CASP5: variants seen among roughly 807,000 people sequenced by gnomAD.
The protein encoded by CASP5 is caspase-5.
A neutral mutation model predicts 45.2 loss-of-function variants in CASP5; 42 were observed. The ratio of observed to expected loss-of-function variants is 0.93; its 90% CI spans 0.73 to 1.20. The LOEUF is 1.20. Among genes scored for constraint, CASP5 ranks in the 50% most tolerant of loss-of-function variants. The pLI, the probability that CASP5 is intolerant of heterozygous loss-of-function variation, is 0.00. For synonymous variants in CASP5, 209 were observed against 186.2 expected, an observed-to-expected ratio of 1.12 and a Z score of -1.00; for missense variants, 512 against 532.2, an observed-to-expected ratio of 0.96 and a Z score of 0.37.
chr11:105,017,824 C>T (rs1208789777), intron 1 of CASP5, among the ~76,000 whole-genome samples: 7 of 151,552 alleles, frequency 4.6e-5, no homozygotes, highest in East Asian at 1.9e-4. Context: ...AGATACTCCT[C>T]GAGAAGAGCA....
chr11:105,012,032 A>G (rs899500192), intron 1 of CASP5, among the ~76,000 whole-genome samples: 3 of 151,864 alleles, frequency 2.0e-5, no homozygotes, highest in Non-Finnish European at 4.4e-5. Context: ...ACCTGACTTT[A>G]AAACATACTG....
At chr11:105,016,350 G>C (rs1017821244) in intron 1 of CASP5, among the ~76,000 whole-genome samples, 1 of 152,172 alleles carries the variant, frequency 6.6e-6, no homozygotes, top group Non-Finnish European at 1.5e-5. Flanking sequence ...AGCTCCCAGC[G>C]TGAGCGAGCA....
In CASP5 at chr11:104,999,031, G is replaced by C; in HGVS notation, c.953-3C>G. The stretch of plus-strand genomic sequence containing the variant: ...GACCCAGAGTTCCCCATGTTTTTCT[G>C]TAGAGACATCAACTTTCTTTTTTTT... On this transcript the variant is annotated splice_region_variant and splice_polypyrimidine_tract_variant and intron_variant, in intron 6 of 9. Transcript: ENST00000260315. 6.3e-7 allele frequency: 1 copy of C among 1,582,786 alleles called. No individual in the cohort carries two copies.
chr11:104,995,947 G>C (rs1861451400), intron 8 of CASP5, 105 bp from the exon 9 acceptor site: 2 of 698,952 alleles, frequency 2.9e-6, no homozygotes, highest in Non-Finnish European at 5.0e-6. Context: ...TTCCAGGGTT[G>C]ATAGGACCAA....
chr11:105,019,619 C>T (rs180800087), intron 1 of CASP5, among the ~76,000 whole-genome samples: 2 of 147,896 alleles, frequency 1.4e-5, no homozygotes, highest in East Asian at 3.9e-4. Flanking sequence ...GAAGTTGAAT[C>T]TCTGAATGGA....
chr11:104,994,706 T>A (rs1861377952), intron 9 of CASP5, among the ~76,000 whole-genome samples: 1 of 152,240 alleles, frequency 6.6e-6, no homozygotes, highest in Non-Finnish European at 1.5e-5. Context: ...GGTCACACTA[T>A]CTCATTGTAG....
At chr11:104,996,144 T>A (rs961716989) in intron 8 of CASP5, among the ~76,000 whole-genome samples, 1 of 152,210 alleles carries the variant, frequency 6.6e-6, no homozygotes, top group Admixed American at 6.5e-5. Context: ...CTTTGGGATA[T>A]GCTCATGAGA....
chr11:105,014,258 T>C (rs1187405895), intron 1 of CASP5, among the ~76,000 whole-genome samples: 1 of 151,876 alleles, frequency 6.6e-6, no homozygotes, highest in Non-Finnish European at 1.5e-5. Context: ...TATTCTCCTA[T>C]ACTTTCTGTT....
chr11:105,017,511 A>C (rs1027078287), intron 1 of CASP5, among the ~76,000 whole-genome samples: 17 of 152,188 alleles, frequency 1.1e-4, no homozygotes, highest in Non-Finnish European at 1.6e-4. Context: ...TGAAGAATGC[A>C]GAAGCCTCAG....
intron 8 of CASP5, among the ~76,000 whole-genome samples, chr11:104,996,131 A>C (rs1861461442): frequency 1.3e-5 from 2 of 152,220 alleles, no homozygotes; most frequent in African/African-American, 4.8e-5. Context: ...TCAATTAAAT[A>C]TCCTTTGGGA....
chr11:105,010,702 T>G (rs971319749), intron 1 of CASP5, among the ~76,000 whole-genome samples: 6 of 151,590 alleles, frequency 4.0e-5, no homozygotes, highest in African/African-American at 1.5e-4. Flanking sequence ...AATCCTATTT[T>G]TACACCACAT....
At chr11:105,001,285 T>G (rs1236799952) in intron 5 of CASP5, among the ~76,000 whole-genome samples, 1 of 152,240 alleles carries the variant, frequency 6.6e-6, no homozygotes, top group Non-Finnish European at 1.5e-5. Flanking sequence ...TCCTTGCAAT[T>G]TGAAACTTCT....
chr11:105,018,511 T>C (rs909650340), intron 1 of CASP5, among the ~76,000 whole-genome samples: 3 of 148,990 alleles, frequency 2.0e-5, no homozygotes, highest in African/African-American at 7.4e-5. Context: ...AGTCCTAGTC[T>C]CTGATAAAAC....
chr11:105,017,046 G>T lies in CASP5; in HGVS notation c.7+6084C>A, dbSNP rs370901175. ...TGGGAGGCACCCCCCAGCAGGGGCAGACTGACACCTCACACGGCCGGGTAC... is the reference window on the plus strand; with the variant it reads ...TGGGAGGCACCCCCCAGCAGGGGCATACTGACACCTCACACGGCCGGGTAC... On this transcript the variant is annotated intron_variant, in intron 1 of 9. Coordinates refer to ENST00000260315, the MANE Select transcript of CASP5 (RefSeq NM_004347.5). Among the ~76,000 whole-genome samples the T allele has an allele frequency of 5.9e-5, 9 of 151,756 alleles. No individual in the cohort carries two copies. The South Asian group carries it at 1.9e-3, about 32-fold the overall frequency.
At chr11:105,014,059 T>C (rs1862473662) in intron 1 of CASP5, among the ~76,000 whole-genome samples, 1 of 152,188 alleles carries the variant, frequency 6.6e-6, no homozygotes, top group African/African-American at 2.4e-5. Flanking sequence ...TTGTCCTTTC[T>C]ATTCTATTCT....
At chr11:105,000,150 C>T in intron 6 of CASP5, 111 bp downstream of exon 6, 1 of 1,127,030 alleles carries the variant, frequency 8.9e-7, no homozygotes, top group Non-Finnish European at 1.3e-6. Context: ...ATTCAATGTA[C>T]TTTATTTGCA....
chr11:104,999,971 A>AAAC (rs1240115427), intron 6 of CASP5, among the ~76,000 whole-genome samples: 4 of 152,238 alleles, frequency 2.6e-5, no homozygotes, highest in Non-Finnish European at 4.4e-5. Context: ...CATGTAAATG[A>AAAC]TTCCATTTCA....
At chr11:105,005,356 ATGTGTGTGTGTGTG>A (rs5794366) in intron 3 of CASP5, among the ~76,000 whole-genome samples, 28 of 139,340 alleles carry the variant, frequency 2.0e-4, no homozygotes, top group Middle Eastern at 3.6e-3. Context: ...GTATATATAT[ATGTGTGTGTGTGTG>A]TGTGTGTGTG....
In CASP5 at chr11:104,995,785, C is replaced by T. The variant is rs560945010; in HGVS notation, c.1264G>A (p.Ala422Thr). Residue 422 changes from alanine to threonine, a missense_variant, in exon 9 of 10, where the codon GCA (alanine) becomes ACA (threonine). Coordinates refer to ENST00000260315, the MANE Select transcript of CASP5 (RefSeq NM_004347.5). ...AKAQMPTIER[A>T]TLTRDFYLFP... ...AGGTAGAAATCTCTTGTCAAGGTTG[C>T]TCGTTCTATGGTGGGCATCTGGGCT... is the stretch of plus-strand genomic sequence containing the variant. The T allele has an allele frequency of 3.3e-5, 53 of 1,612,620 alleles. No individual in the cohort carries two copies. The East Asian group carries it at 9.8e-4, about 30-fold the overall frequency.
Sources: allele counts gnomAD v4.1 joint callset (sites outside exome capture counted in the v4.1 genomes callset), GRCh38; gene constraint gnomAD v4.1.1; transcripts MANE v1.5; gene names NCBI Gene and HGNC (gene_info 2026-07-23, HGNC 2026-07-21).